The following HIVEP3 variants were observed in gnomAD, a reference collection of about 807,000 sequenced individuals.
HIVEP3 encodes the protein HIVEP zinc finger 3.
A neutral mutation model predicts 152.8 loss-of-function variants in HIVEP3; 49 were observed. The observed-to-expected ratio is 0.32, with a 90% CI of 0.26 to 0.41. The LOEUF is 0.41. Ranked by LOEUF, HIVEP3 falls within the 10% of genes least tolerant of loss-of-function variation. HIVEP3 has a pLI of 1.00. For missense variants in HIVEP3, 2,790 were observed against 3,103.3 expected, an observed-to-expected ratio of 0.90 and a Z score of 2.40; for synonymous variants, 1,269 against 1,289.0, an observed-to-expected ratio of 0.98 and a Z score of 0.33.
intron 2 of HIVEP3, among the ~76,000 whole-genome samples, chr1:41,672,510 T>C (rs1645893368): frequency 6.6e-6 from 1 of 152,256 alleles, no homozygotes; most frequent in Admixed American, 6.5e-5. Flanking sequence ...CGGCAAGCCC[T>C]GTTCTCTGAG....
At chr1:41,879,932 A>C (rs1192956531) in intron 1 of HIVEP3, among the ~76,000 whole-genome samples, 1 of 152,206 alleles carries the variant, frequency 6.6e-6, no homozygotes, top group African/African-American at 2.4e-5. Context: ...GCATGGTCTT[A>C]AGTGCTTTAT....
At chr1:41,780,720 G>A (rs777854555) in intron 1 of HIVEP3, among the ~76,000 whole-genome samples, 2 of 152,244 alleles carry the variant, frequency 1.3e-5, no homozygotes, top group South Asian at 2.1e-4. Flanking sequence ...TCTGGGGCTC[G>A]GGAGTCTGAA....
At chr1:41,890,306 G>A (rs1377912950) in intron 1 of HIVEP3, among the ~76,000 whole-genome samples, 1 of 152,132 alleles carries the variant, frequency 6.6e-6, no homozygotes, top group African/African-American at 2.4e-5. Context: ...GGTACTTACA[G>A]CCTAAAGGGA....
chr1:41,788,374 G>A (rs574181231), intron 1 of HIVEP3, among the ~76,000 whole-genome samples: 2 of 152,334 alleles, frequency 1.3e-5, no homozygotes, highest in East Asian at 3.9e-4. Context: ...GCATCCAGAT[G>A]AGCATAGGCT....
In HIVEP3 at chr1:41,644,693, CTTTTTTTT is replaced by C. The variant is rs60511656; in HGVS notation, c.-720-15754_-720-15747del. On this transcript the variant is annotated intron_variant, in intron 2 of 8. Transcript: ENST00000372583. The stretch of plus-strand genomic sequence containing the variant: ...TTTAAAGCACACTTGCATATCTGTT[CTTTTTTTT>C]TTTTTTTTTTTTTTTTGGATGTTAA... 4.3e-3 allele frequency among the ~76,000 whole-genome samples: 324 copies of C among 74,742 alleles called. 2 individuals are homozygous for C. The highest frequency in any genetic ancestry group is 8.5e-3 in the African/African-American group (165 of 19,442). 49.0% of individuals were successfully genotyped at this position (74,742 alleles called of 152,430 possible).
chr1:41,761,949 T>C (rs939469194), intron 1 of HIVEP3, among the ~76,000 whole-genome samples: 8 of 152,206 alleles, frequency 5.3e-5, no homozygotes, highest in Non-Finnish European at 8.8e-5. Flanking sequence ...CCCAGGTAAA[T>C]CCATGGACTG....
chr1:41,683,634 G>A (rs1476191442), intron 2 of HIVEP3, among the ~76,000 whole-genome samples: 1 of 152,214 alleles, frequency 6.6e-6, no homozygotes, highest in Admixed American at 6.5e-5. Flanking sequence ...TGGAGGCTGG[G>A]AGGAAGCCCA....
intron 2 of HIVEP3, among the ~76,000 whole-genome samples, chr1:41,647,852 A>G (rs7539225): frequency 0.09 from 13,666 of 152,300 alleles, 886 homozygotes; most frequent in African/African-American, 0.18. Context: ...CCAGAAGCCC[A>G]TGGGATGTTC....
intron 1 of HIVEP3, among the ~76,000 whole-genome samples, chr1:41,936,077 T>G (rs1233335092): frequency 1.3e-5 from 2 of 150,838 alleles, no homozygotes; most frequent in East Asian, 3.9e-4. Context: ...AAAGGAAGAG[T>G]GCTACAAAGA....
At chr1:41,834,703 C>A (rs1255874449) in intron 1 of HIVEP3, among the ~76,000 whole-genome samples, 1 of 152,096 alleles carries the variant, frequency 6.6e-6, no homozygotes, top group African/African-American at 2.4e-5. Flanking sequence ...ATATAAATCC[C>A]TGACTTCATA....
At chr1:41,826,237 CTGT>C (rs1642799879) in intron 1 of HIVEP3, among the ~76,000 whole-genome samples, 1 of 152,172 alleles carries the variant, frequency 6.6e-6, no homozygotes, top group Non-Finnish European at 1.5e-5. Context: ...ATATAGGTCA[CTGT>C]CACAGAGGTA....
chr1:41,926,295 T>C (rs1279144180), intron 1 of HIVEP3, among the ~76,000 whole-genome samples: 2 of 152,184 alleles, frequency 1.3e-5, no homozygotes, highest in Admixed American at 1.3e-4. Context: ...CTCACACAGT[T>C]AATTTCCTGG....
At chr1:41,562,624 TCTCTCTCTCCC>T (rs1644091681) in intron 5 of HIVEP3, among the ~76,000 whole-genome samples, 1 of 109,878 alleles carries the variant, frequency 9.1e-6, no homozygotes, top group Non-Finnish European at 2.0e-5. Flanking sequence ...TCTCTCTCTC[TCTCTCTCTCCC>T]TCTCTCTCTC....
At chr1:41,979,406 G>A (rs603789) in intron 1 of HIVEP3, among the ~76,000 whole-genome samples, 8,935 of 152,220 alleles carry the variant, frequency 0.059, 909 homozygotes, top group African/African-American at 0.2. Context: ...CATTTACTGA[G>A]GAGGAAACTG....
intron 1 of HIVEP3, among the ~76,000 whole-genome samples, chr1:41,912,479 G>A (rs1040764313): frequency 6.6e-6 from 1 of 152,078 alleles, no homozygotes; most frequent in Non-Finnish European, 1.5e-5. Context: ...ATTGTAATTG[G>A]TGTGCTCTTA....
At chr1:41,982,729 T>C (rs1645300567) in intron 1 of HIVEP3, among the ~76,000 whole-genome samples, 1 of 152,170 alleles carries the variant, frequency 6.6e-6, no homozygotes, top group African/African-American at 2.4e-5. Context: ...ATAGGAGGTG[T>C]ATTATTAAAT....
At chr1:41,879,470 C>T (rs1644227360) in intron 1 of HIVEP3, among the ~76,000 whole-genome samples, 1 of 152,200 alleles carries the variant, frequency 6.6e-6, no homozygotes, top group Admixed American at 6.5e-5. Flanking sequence ...CTTCTCTTCC[C>T]CTCTTCCTGA....
At chr1:41,526,069 G>C (rs1642893568) in intron 5 of HIVEP3, among the ~76,000 whole-genome samples, 1 of 152,046 alleles carries the variant, frequency 6.6e-6, no homozygotes, top group South Asian at 2.1e-4. Context: ...AGGTGGCTGG[G>C]AGGAGGTGAG....
At chr1:41,993,557 G>T (rs1391260839) in intron 1 of HIVEP3, among the ~76,000 whole-genome samples, 1 of 152,204 alleles carries the variant, frequency 6.6e-6, no homozygotes, top group Non-Finnish European at 1.5e-5. Context: ...TGGTGGGACT[G>T]TAAACTAGTT....
Sources: allele counts gnomAD v4.1 joint callset (sites outside exome capture counted in the v4.1 genomes callset), GRCh38; gene constraint gnomAD v4.1.1; transcripts MANE v1.5; gene names NCBI Gene and HGNC (gene_info 2026-07-23, HGNC 2026-07-21).